Variants in OXR1 observed in about 807,000 individuals in gnomAD.
OXR1 encodes oxidation resistance 1.
A neutral mutation model predicts 104.6 loss-of-function variants in OXR1; 41 were observed. That is an observed-to-expected ratio of 0.39 (90% CI 0.31 to 0.51). OXR1 has a LOEUF of 0.51. OXR1 is among the 20% of genes least tolerant of loss of function. The probability of loss-of-function intolerance (pLI) is 0.77; values close to 1 mark genes in which losing one functional copy is unlikely to be tolerated. For missense variants in OXR1, 955 were observed against 1,031.9 expected, an observed-to-expected ratio of 0.93 and a Z score of 1.02; for synonymous variants, 348 against 348.4, an observed-to-expected ratio of 1.00 and a Z score of 0.01.
At chr8:106,325,960 C>G (rs1326735935) in intron 1 of OXR1, among the ~76,000 whole-genome samples, 3 of 152,060 alleles carry the variant, frequency 2.0e-5, no homozygotes, top group Non-Finnish European at 4.4e-5. Flanking sequence ...ATTTTTGTTA[C>G]TTGTAAAAGA....
At chr8:106,743,678 A>T (rs1325113551) in intron 15 of OXR1, among the ~76,000 whole-genome samples, 1 of 152,192 alleles carries the variant, frequency 6.6e-6, no homozygotes, top group Non-Finnish European at 1.5e-5. Flanking sequence ...ACTGTTGTAG[A>T]AGACAGTGTG....
chr8:106,647,920 TATA>T (rs1241530015), intron 3 of OXR1, among the ~76,000 whole-genome samples: 1 of 152,256 alleles, frequency 6.6e-6, no homozygotes, highest in Admixed American at 6.5e-5. Context: ...TAGCTAGCCT[TATA>T]ATGAGAACAC....
intron 11 of OXR1, among the ~76,000 whole-genome samples, chr8:106,728,596 C>T (rs572486147): frequency 2.0e-5 from 3 of 152,134 alleles, no homozygotes; most frequent in Non-Finnish European, 4.4e-5. Flanking sequence ...TCGATGAGAA[C>T]CATATTGATC....
chr8:106,302,472 G>GGTGC, intron 1 of OXR1, among the ~76,000 whole-genome samples: 1 of 151,640 alleles, frequency 6.6e-6, no homozygotes, highest in African/African-American at 2.4e-5. Context: ...TGTAGTCCCA[G>GGTGC]CTACTCGGGA....
At chr8:106,293,535 C>G (rs1306215989) in intron 1 of OXR1, among the ~76,000 whole-genome samples, 2 of 152,166 alleles carry the variant, frequency 1.3e-5, no homozygotes, top group East Asian at 3.9e-4. Flanking sequence ...GGAGCAATGC[C>G]TTCTTAAACT....
chr8:106,573,469 T>G (rs571700091), intron 3 of OXR1, among the ~76,000 whole-genome samples: 1 of 152,254 alleles, frequency 6.6e-6, no homozygotes, highest in African/African-American at 2.4e-5. Flanking sequence ...GATGCTGTAT[T>G]CAGTAATGAT....
chr8:106,273,569 T>C (rs899567777), intron 1 of OXR1, among the ~76,000 whole-genome samples: 13 of 152,218 alleles, frequency 8.5e-5, no homozygotes, highest in Admixed American at 1.3e-4. Context: ...CCAGCCCAAA[T>C]GTCAGTAATG....
chr8:106,649,748 G>A (rs1824395986), intron 3 of OXR1, among the ~76,000 whole-genome samples: 1 of 151,992 alleles, frequency 6.6e-6, no homozygotes, highest in African/African-American at 2.4e-5. Context: ...CCAGGCTGGA[G>A]TGCAGTGGCG....
chr8:106,738,099 G>A (rs1010881528), intron 12 of OXR1, among the ~76,000 whole-genome samples: 2 of 152,012 alleles, frequency 1.3e-5, no homozygotes, highest in African/African-American at 2.4e-5. Flanking sequence ...GAATAGTACA[G>A]TTTAGACACA....
At chr8:106,549,196 C>A (rs1815608438) in intron 3 of OXR1, among the ~76,000 whole-genome samples, 2 of 151,602 alleles carry the variant, frequency 1.3e-5, no homozygotes, top group South Asian at 4.2e-4. Context: ...AATCCTACTG[C>A]AAAACCCCCA....
intron 3 of OXR1, among the ~76,000 whole-genome samples, chr8:106,578,012 C>T (rs1413447516): frequency 1.3e-5 from 2 of 152,150 alleles, no homozygotes; most frequent in Non-Finnish European, 2.9e-5. Context: ...TTGGCCGGTG[C>T]CCCTTTGTAG....
At chr8:106,635,458 T>C (rs1823050501) in intron 3 of OXR1, among the ~76,000 whole-genome samples, 2 of 152,128 alleles carry the variant, frequency 1.3e-5, no homozygotes, top group Admixed American at 6.5e-5. Flanking sequence ...TTTGTTTTTG[T>C]TTTTTTGACA....
rs150966241 is a variant in OXR1, at chr8:106,348,389, C to T, written c.-138-11087C>T. On this transcript the variant is annotated intron_variant, in intron 1 of 16. Transcript: ENST00000517566. ...AGCTGATTTTCCTCGACTTGTCCCA[C>T]GTTACTTCGGAACATTAACATGCTT... Among the ~76,000 whole-genome samples the T allele has an allele frequency of 1.7e-4, 26 of 152,268 alleles. No individual in the cohort carries two copies. In the East Asian group the frequency reaches 1.7e-3, roughly 10 times the overall value.
intron 3 of OXR1, among the ~76,000 whole-genome samples, chr8:106,645,101 A>G (rs1209483094): frequency 6.6e-6 from 1 of 152,118 alleles, no homozygotes; most frequent in Non-Finnish European, 1.5e-5. Flanking sequence ...ATTTTACTAC[A>G]TAATGTATAG....
At chr8:106,467,604 A>T (rs375363465) in intron 2 of OXR1, among the ~76,000 whole-genome samples, 2 of 151,896 alleles carry the variant, frequency 1.3e-5, no homozygotes, top group Non-Finnish European at 2.9e-5. Flanking sequence ...GCAGTAAGCA[A>T]ACCTGCTCTT....
At chr8:106,535,257 C>A (rs974603866) in intron 3 of OXR1, among the ~76,000 whole-genome samples, 3 of 152,092 alleles carry the variant, frequency 2.0e-5, no homozygotes, top group African/African-American at 7.2e-5. Context: ...AGGCTGGCTC[C>A]CCCTTCCCCA....
chr8:106,447,997 A>G lies in OXR1; in HGVS notation c.24-70946A>G, dbSNP rs1023694650. ...TCCGCCCCGGCTCCCACACAGCTAT[A>G]AGGTTGCCTGCCTGCCTGCACAGAA... On this transcript the variant is annotated intron_variant, in intron 2 of 16. Transcript: ENST00000517566. 1.2e-5 allele frequency: 18 copies of G among 1,529,184 alleles called. No homozygotes were observed. The African/African-American group carries it at 2.1e-4, about 18-fold the overall frequency. 94.7% of individuals were successfully genotyped at this position (1,529,184 alleles called of 1,614,324 possible).
intron 11 of OXR1, 68 bp from the exon 12 acceptor site, chr8:106,737,440 CTTTTTTTTTTTT>C (rs71562118): frequency 8.3e-4 from 123 of 148,058 alleles, no homozygotes; most frequent in Admixed American, 3.6e-3. Context: ...AATTTCTCCT[CTTTTTTTTTTTT>C]TTTTTTTTTT....
intron 11 of OXR1, among the ~76,000 whole-genome samples, chr8:106,723,600 A>T (rs1222410410): frequency 2.0e-5 from 3 of 151,942 alleles, no homozygotes; most frequent in East Asian, 3.9e-4. Context: ...TGAACCCAGG[A>T]GGCGGAGGTT....
Sources: allele counts gnomAD v4.1 joint callset (sites outside exome capture counted in the v4.1 genomes callset), GRCh38; gene constraint gnomAD v4.1.1; transcripts MANE v1.5; gene names NCBI Gene and HGNC (gene_info 2026-07-23, HGNC 2026-07-21).